Variants in DRC3 observed in about 807,000 individuals in gnomAD.
The protein encoded by DRC3 is dynein regulatory complex subunit 3, also known as leucine rich repeat containing 48.
A neutral mutation model predicts 57.6 loss-of-function variants in DRC3; 45 were observed. The observed-to-expected ratio is 0.78, with a 90% CI of 0.62 to 1.00. The LOEUF (loss-of-function observed/expected upper bound fraction) is 1.00. Among genes scored for constraint, DRC3 ranks in the 50% least tolerant of loss-of-function variants. The pLI is 0.00. For missense variants in DRC3, 655 were observed against 675.2 expected, an observed-to-expected ratio of 0.97 and a Z score of 0.33; for synonymous variants, 257 against 272.3, an observed-to-expected ratio of 0.94 and a Z score of 0.55.
chr17:17,999,856 T>C (rs2043617950), intron 9 of DRC3, among the ~76,000 whole-genome samples: 1 of 152,242 alleles, frequency 6.6e-6, no homozygotes, highest in Non-Finnish European at 1.5e-5. Context: ...TGTGTGCACA[T>C]GGCACAGCCT....
chr17:18,003,505 A>G (rs2145405817), intron 9 of DRC3, among the ~76,000 whole-genome samples: 1 of 147,438 alleles, frequency 6.8e-6, no homozygotes, highest in Admixed American at 6.8e-5. Context: ...AAAAAAAAAA[A>G]AAAAAAAAAA....
chr17:17,980,672 G>A (rs1249729704), intron 3 of DRC3, among the ~76,000 whole-genome samples: 1 of 145,882 alleles, frequency 6.9e-6, no homozygotes, highest in East Asian at 2.0e-4. Context: ...TAGGCTCACT[G>A]CAACCTTCAC....
chr17:17,997,385 G>T, intron 8 of DRC3, 75 bp from the exon 9 acceptor site: 2 of 1,438,422 alleles, frequency 1.4e-6, no homozygotes, highest in Non-Finnish European at 1.9e-6. Flanking sequence ...ACTGTGCCAG[G>T]GTTACCAACA....
intron 2 of DRC3, among the ~76,000 whole-genome samples, chr17:17,975,999 C>T (rs149525109): frequency 5.3e-5 from 8 of 152,164 alleles, no homozygotes; most frequent in Admixed American, 3.9e-4. Context: ...GATTGTATGG[C>T]CCAACCTGGC....
At chr17:18,000,026 CTATG>C (rs1329012683) in intron 9 of DRC3, among the ~76,000 whole-genome samples, 6 of 142,924 alleles carry the variant, frequency 4.2e-5, no homozygotes, top group Non-Finnish European at 9.2e-5. Flanking sequence ...CTTTGCTTTC[CTATG>C]TGTGTGTGCG....
chr17:18,013,049 AC>A (rs2044223402), intron 12 of DRC3, among the ~76,000 whole-genome samples: 1 of 152,194 alleles, frequency 6.6e-6, no homozygotes, highest in African/African-American at 2.4e-5. Flanking sequence ...TACATTAAAA[AC>A]TTTTCAGCAT....
chr17:17,981,938 T>A (rs1486514137), intron 3 of DRC3, among the ~76,000 whole-genome samples: 1 of 152,160 alleles, frequency 6.6e-6, no homozygotes, highest in Non-Finnish European at 1.5e-5. Flanking sequence ...TCCACCGGCC[T>A]TGGCCTCCCA....
chr17:18,012,834 ATCT>A (rs1432629242), intron 12 of DRC3, among the ~76,000 whole-genome samples: 20 of 152,342 alleles, frequency 1.3e-4, no homozygotes, highest in African/African-American at 4.3e-4. Flanking sequence ...CAAACTATAA[ATCT>A]TCTGCACAGC....
Position 18,008,677 on chromosome 17 carries a change from A to T in DRC3, c.1326+1530A>T, listed in dbSNP as rs897684008. ...GTGGTGATAGGGTCACCGTGACACCAGCCTTCCCTCCCTAAGCTGATAACT... is the reference window on the plus strand; with the variant it reads ...GTGGTGATAGGGTCACCGTGACACCTGCCTTCCCTCCCTAAGCTGATAACT... On this transcript the variant is annotated intron_variant, in intron 12 of 13. Transcript: ENST00000399187. The surrounding 1 kb of genome is among the most constrained non-coding windows in gnomAD (Gnocchi z 4.3). 6.6e-6 allele frequency among the ~76,000 whole-genome samples: 1 copy of T among 152,210 alleles called. No homozygotes were observed. Among genetic ancestry groups the T allele is most frequent in the Non-Finnish European group, 1.5e-5 (1 of 68,032 alleles).
chr17:17,992,818 C>A lies in DRC3; in HGVS notation c.498C>A (p.Asn166Lys). 6.2e-7 allele frequency: 1 copy of A among 1,613,928 alleles called. No homozygotes were observed. The highest frequency in any genetic ancestry group is 1.1e-5 in the South Asian group (1 of 91,074). Residue 166 changes from asparagine to lysine, a missense_variant, in exon 6 of 14, where the codon AAC (asparagine) becomes AAA (lysine). Coordinates refer to ENST00000399187, the MANE Select transcript of DRC3 (RefSeq NM_031294.4). ...KCLRTLSLSR[N>K]PISEAEDYKM... Reference sequence around the variant, plus strand: ...TGCGGACGCTCAGCCTCTCTAGGAACCCTATCTCTGAGGCAGAGGATTACA... The same window carrying A: ...TGCGGACGCTCAGCCTCTCTAGGAAACCTATCTCTGAGGCAGAGGATTACA...
At chr17:17,990,946 G>A (rs534958848) in intron 5 of DRC3, among the ~76,000 whole-genome samples, 8 of 152,102 alleles carry the variant, frequency 5.3e-5, no homozygotes, top group African/African-American at 1.4e-4. Context: ...AGCCGAGATC[G>A]CGCCACTGCA....
intron 12 of DRC3, chr17:18,010,946 T>TTTTTTTTTG (rs537313149): frequency 1.4e-4 from 35 of 242,984 alleles, no homozygotes; most frequent in Non-Finnish European, 2.3e-4. Flanking sequence ...GAGGTTTTTT[T>TTTTTTTTTG]TTTGTTTGTT....
At chr17:18,016,023 A>G in intron 12 of DRC3, 41 bp from the exon 13 acceptor site, 1 of 1,607,946 alleles carries the variant, frequency 6.2e-7, no homozygotes, top group Non-Finnish European at 8.5e-7. Flanking sequence ...TTCACGGTAT[A>G]ATGACACACA....
At position 17,994,379 on chromosome 17, in the gene DRC3, G is replaced by A. The variant is rs747487490; in HGVS notation, c.672G>A (p.Glu224=). ...HQENLMQAQL[E]DEQAQREELE... ...AGAACCTGATGCAGGCCCAGCTGGA[G>A]GACGAGCAGGCGCAGCGGGAGGAGC... Residue 224 remains glutamate, a synonymous_variant, in exon 7 of 14, where the codon GAG becomes GAA. Coordinates refer to ENST00000399187, the MANE Select transcript of DRC3 (RefSeq NM_031294.4). The A allele has an allele frequency of 1.3e-6, 2 of 1,554,876 alleles. No individual in the cohort carries two copies. Among genetic ancestry groups the A allele is most frequent in the South Asian group, 1.2e-5 (1 of 84,172 alleles).
intron 2 of DRC3, among the ~76,000 whole-genome samples, chr17:17,975,144 G>A (rs1360482126): frequency 6.6e-6 from 1 of 151,956 alleles, no homozygotes; most frequent in Non-Finnish European, 1.5e-5. Context: ...CCCTGATGAA[G>A]TAGGAGGGAT....
chr17:17,980,696 GTGA>G (rs1271990957), intron 3 of DRC3, among the ~76,000 whole-genome samples: 2 of 149,304 alleles, frequency 1.3e-5, no homozygotes, highest in Non-Finnish European at 2.9e-5. Flanking sequence ...CCGGGTTCAA[GTGA>G]TTCTCTTGCC....
chr17:17,997,707 T>C, intron 9 of DRC3, 73 bp downstream of exon 9: 3 of 1,355,548 alleles, frequency 2.2e-6, no homozygotes, highest in Non-Finnish European at 3.0e-6. Context: ...ACTCCCACTG[T>C]AGGGGGACTG....
At chr17:17,994,135 A>G (rs1011994050) in intron 6 of DRC3, 164 bp from the exon 7 acceptor site, 3 of 860,474 alleles carry the variant, frequency 3.5e-6, no homozygotes, top group African/African-American at 3.4e-5. Flanking sequence ...GGAGATGGGC[A>G]TTCTCATCCA....
rs1160480747 is a variant in DRC3 at position 18,008,112 on chromosome 17, G to A, written c.1326+965G>A. On this transcript the variant is annotated intron_variant, in intron 12 of 13. Transcript: ENST00000399187. The surrounding 1 kb of genome is among the most constrained non-coding windows in gnomAD (Gnocchi z 4.3). ...TCCCACCCCCAGAACCCTCACTCCT[G>A]ATGCTCAGCGGCAGCCTCTGAGCTC... Among the ~76,000 whole-genome samples, 2 of 152,136 alleles carry A rather than the reference G, an allele frequency of 1.3e-5. No individual in the cohort carries two copies. Among genetic ancestry groups the A allele is most frequent in the Non-Finnish European group, 2.9e-5 (2 of 68,026 alleles).
Sources: gnomAD v4.1 joint callset for allele counts (sites outside exome capture counted in the v4.1 genomes callset) on GRCh38, gnomAD v4.1.1 for gene constraint, Gnocchi (gnomAD v3.1) non-coding constraint, MANE v1.5 for transcripts, NCBI Gene and HGNC (gene_info 2026-07-23, HGNC 2026-07-21) for gene names.